The following CCSER1 variants were observed in gnomAD, a reference collection of about 807,000 sequenced individuals.
CCSER1 encodes the protein coiled-coil serine rich protein 1, also known as serine-rich coiled-coil domain-containing protein 1.
Under a neutral mutation model 82.0 loss-of-function variants are expected in CCSER1, and 41 were observed. The ratio of observed to expected loss-of-function variants is 0.50; its 90% CI spans 0.39 to 0.65. CCSER1 has a LOEUF of 0.65. Among genes scored for constraint, CCSER1 ranks in the 30% least tolerant of loss-of-function variants. CCSER1 has a pLI of 0.00. For synonymous variants in CCSER1, 414 were observed against 383.9 expected (o/e 1.08, Z -0.92); for missense variants, 1,119 against 1,064.2 (o/e 1.05, Z -0.72).
intron 10 of CCSER1, among the ~76,000 whole-genome samples, chr4:91,178,699 T>C (rs1010854424): frequency 6.6e-6 from 1 of 152,218 alleles, no homozygotes; most frequent in African/African-American, 2.4e-5. Flanking sequence ...CCTATGTGTG[T>C]CTCTGCATGT....
chr4:90,146,145 C>G (rs544049712), intron 1 of CCSER1, among the ~76,000 whole-genome samples: 24 of 152,172 alleles, frequency 1.6e-4, no homozygotes, highest in African/African-American at 5.5e-4. Flanking sequence ...AAGTACTGCT[C>G]TTTTGATGTG....
intron 10 of CCSER1, among the ~76,000 whole-genome samples, chr4:91,175,520 T>C (rs1240470567): frequency 6.6e-6 from 1 of 152,202 alleles, no homozygotes; most frequent in African/African-American, 2.4e-5. Context: ...CCATTCTAAC[T>C]GGTGTGAGAT....
chr4:90,811,886 G>A (rs1758348812), intron 7 of CCSER1, among the ~76,000 whole-genome samples: 1 of 144,964 alleles, frequency 6.9e-6, no homozygotes, highest in African/African-American at 2.6e-5. Flanking sequence ...TCTTTAGAGT[G>A]ACAGAACTGA....
chr4:91,588,761 C>T (rs1438602487), intron 10 of CCSER1, among the ~76,000 whole-genome samples: 1 of 151,582 alleles, frequency 6.6e-6, no homozygotes, highest in Non-Finnish European at 1.5e-5. Flanking sequence ...TGTGTATGTC[C>T]CCTGAATTTC....
At chr4:90,762,633 C>T (rs898648758) in intron 7 of CCSER1, among the ~76,000 whole-genome samples, 1 of 152,118 alleles carries the variant, frequency 6.6e-6, no homozygotes. Flanking sequence ...CTGTTTATGG[C>T]TTCTAATAAT....
chr4:90,848,037 G>A (rs560899760), intron 8 of CCSER1, among the ~76,000 whole-genome samples: 77 of 152,190 alleles, frequency 5.1e-4, no homozygotes, highest in Non-Finnish European at 7.4e-4. Flanking sequence ...TTATCAGGAA[G>A]GTTTGTTTGA....
At position 90,595,160 on chromosome 4, in the gene CCSER1, C is replaced by T. The variant is rs75539629; in HGVS notation, c.1725-32865C>T. On this transcript the variant is annotated intron_variant, in intron 5 of 10. Transcript: ENST00000509176. Reference sequence around the variant, plus strand: ...TCCAGTAGTTCTTATCATGTAATTTCGAATGCAATGTAATGTAGTCAGAAA... The same window carrying T: ...TCCAGTAGTTCTTATCATGTAATTTTGAATGCAATGTAATGTAGTCAGAAA... Among the ~76,000 whole-genome samples the T allele has an allele frequency of 5.5e-4, 84 of 151,886 alleles. 1 individual carries two copies. In the East Asian group the frequency reaches 0.015, roughly 27 times the overall value.
At chr4:91,004,313 C>T (rs962213447) in intron 9 of CCSER1, among the ~76,000 whole-genome samples, 1 of 152,124 alleles carries the variant, frequency 6.6e-6, no homozygotes. Flanking sequence ...ACCTCCTAAG[C>T]CTTTCAGTGC....
At chr4:90,763,053 G>A (rs1750642282) in intron 7 of CCSER1, among the ~76,000 whole-genome samples, 1 of 152,056 alleles carries the variant, frequency 6.6e-6, no homozygotes, top group Non-Finnish European at 1.5e-5. Flanking sequence ...AATGGTCAAA[G>A]TGAGAAGAGA....
At chr4:90,425,506 A>G (rs1383009306) in intron 4 of CCSER1, among the ~76,000 whole-genome samples, 1 of 152,178 alleles carries the variant, frequency 6.6e-6, no homozygotes, top group Non-Finnish European at 1.5e-5. Flanking sequence ...GACTGACTCA[A>G]TGAGCCCAAA....
chr4:91,146,917 G>A (rs919035325), intron 10 of CCSER1, among the ~76,000 whole-genome samples: 1 of 152,198 alleles, frequency 6.6e-6, no homozygotes, highest in Non-Finnish European at 1.5e-5. Context: ...GGGAGACAGA[G>A]GGCAGGAGAG....
chr4:91,602,295 T>C lies in CCSER1; in HGVS notation c.*3238T>C, dbSNP rs1295472293. On this transcript the variant is annotated 3_prime_UTR_variant, in exon 11 of 11. Transcript: ENST00000509176. ...TTTCCTGAATGTTGAACTCCCATTA[T>C]AGGAAATTCCACATTTTGTTTTGTT... Among the ~76,000 whole-genome samples the C allele has an allele frequency of 2.0e-5, 3 of 152,054 alleles. No individual in the cohort carries two copies. The highest frequency in any genetic ancestry group is 2.1e-4 in the South Asian group (1 of 4,832).
intron 10 of CCSER1, among the ~76,000 whole-genome samples, chr4:91,564,888 G>GA (rs1762810570): frequency 6.6e-6 from 1 of 151,662 alleles, no homozygotes. Flanking sequence ...GTCAATTTTT[G>GA]CTTTTTTTGT....
intron 9 of CCSER1, among the ~76,000 whole-genome samples, chr4:91,075,025 A>C (rs1448960615): frequency 1.3e-5 from 2 of 152,176 alleles, no homozygotes; most frequent in African/African-American, 4.8e-5. Context: ...GACATGATAG[A>C]AGTTTTAGAA....
At chr4:90,262,074 C>T (rs947132823) in intron 1 of CCSER1, among the ~76,000 whole-genome samples, 10 of 151,570 alleles carry the variant, frequency 6.6e-5, no homozygotes, top group Admixed American at 3.3e-4. Flanking sequence ...AATAATAAAC[C>T]TTCTGAATTT....
intron 3 of CCSER1, among the ~76,000 whole-genome samples, chr4:90,348,989 C>G (rs1247498888): frequency 6.6e-6 from 1 of 151,850 alleles, no homozygotes; most frequent in Non-Finnish European, 1.5e-5. Flanking sequence ...TCTGATGTTT[C>G]CTAAATATAA....
At chr4:90,468,566 A>T in intron 5 of CCSER1, 1 of 418,780 alleles carries the variant, frequency 2.4e-6, no homozygotes. Context: ...TTCAAGTTTC[A>T]TTTTGTTACC....
chr4:90,478,475 T>G (rs2153595786), intron 5 of CCSER1, among the ~76,000 whole-genome samples: 1 of 152,292 alleles, frequency 6.6e-6, no homozygotes, highest in Middle Eastern at 3.4e-3. Context: ...ATATATAAAT[T>G]AGGGTTGTAA....
intron 10 of CCSER1, among the ~76,000 whole-genome samples, chr4:91,282,741 A>G (rs550129201): frequency 6.6e-6 from 1 of 152,256 alleles, no homozygotes; most frequent in South Asian, 2.1e-4. Context: ...AGGATTTGCT[A>G]TTCTTTATTA....
Sources: allele counts gnomAD v4.1 joint callset (sites outside exome capture counted in the v4.1 genomes callset), GRCh38; gene constraint gnomAD v4.1.1; transcripts MANE v1.5; gene names NCBI Gene and HGNC (gene_info 2026-07-23, HGNC 2026-07-21).